Variants in CCDC102A observed in about 807,000 individuals in gnomAD.
CCDC102A encodes the protein coiled-coil domain containing 102A.
Under a neutral mutation model 55.5 loss-of-function variants are expected in CCDC102A, and 40 were observed. The observed-to-expected ratio is 0.72, with a 90% CI of 0.56 to 0.94. The LOEUF (loss-of-function observed/expected upper bound fraction) is 0.94. Among genes scored for constraint, CCDC102A ranks in the 40% least tolerant of loss-of-function variants. The pLI is 0.00. For synonymous variants in CCDC102A, 323 were observed against 339.0 expected (o/e 0.95, Z 0.52); for missense variants, 779 against 768.6 (o/e 1.01, Z -0.16).
At position 57,528,680 on chromosome 16, in the gene CCDC102A, G is replaced by T; in HGVS notation, c.498C>A (p.Val166=). ...CGGGGCCGTCGCGCGTCTGGTCGGC[G>T]ACCCCCCGGGCGCCCCTCAGCCGCG... The part of the protein sequence containing the change: ...ELARLRGARG[V]ADQTRDGPEP... Residue 166 remains valine (V), a synonymous_variant, in exon 2 of 9, where the codon GTC becomes GTA. Transcript: ENST00000258214. 1 of 1,128,736 alleles carries T rather than the reference G, an allele frequency of 8.9e-7. No individual in the cohort carries two copies. Among genetic ancestry groups the T allele is most frequent in the Non-Finnish European group, 1.1e-6 (1 of 918,340 alleles). The allele number at this position is 1,128,736 out of a possible 1,614,324, so 69.9% of individuals were successfully genotyped here.
Position 57,512,533 on chromosome 16 carries a change from T to C in CCDC102A, c.*208A>G, listed in dbSNP as rs912512076. The C allele has an allele frequency of 1.5e-5, 8 of 523,632 alleles. No individual in the cohort carries two copies. Among genetic ancestry groups the C allele is most frequent in the Non-Finnish European group, 2.3e-5 (7 of 306,930 alleles). 32.4% of individuals were successfully genotyped at this position (523,632 alleles called of 1,614,324 possible). A position where few individuals can be genotyped will look rare whatever the true frequency, so the allele number is the denominator to read the frequency against. On this transcript the variant is annotated 3_prime_UTR_variant, in exon 9 of 9. Transcript: ENST00000258214. Reference sequence around the variant, plus strand: ...GGGTGTGCGCGCGCGCGCGCGCGTGTGTGTATATATATATATAAAACATAG... The same window carrying C: ...GGGTGTGCGCGCGCGCGCGCGCGTGCGTGTATATATATATATAAAACATAG...
intron 3 of CCDC102A, among the ~76,000 whole-genome samples, chr16:57,523,843 C>T (rs1242200262): frequency 6.6e-6 from 1 of 152,124 alleles, no homozygotes; most frequent in African/African-American, 2.4e-5. Context: ...CTGGGTTGTC[C>T]CCTCTGGGAA....
intron 8 of CCDC102A, among the ~76,000 whole-genome samples, chr16:57,513,577 G>A (rs1228726664): frequency 3.9e-5 from 6 of 152,258 alleles, no homozygotes; most frequent in Non-Finnish European, 8.8e-5. Context: ...GGTCCTGGGT[G>A]GCCCCACCCT....
intron 1 of CCDC102A, among the ~76,000 whole-genome samples, chr16:57,533,985 G>A (rs930600329): frequency 9.2e-5 from 14 of 152,220 alleles, no homozygotes; most frequent in Non-Finnish European, 7.3e-5. Context: ...AGGCCCCGGG[G>A]AGCCTTTCCT....
chr16:57,536,208 C>T (rs1386620473), intron 1 of CCDC102A, among the ~76,000 whole-genome samples: 1 of 152,200 alleles, frequency 6.6e-6, no homozygotes, highest in Non-Finnish European at 1.5e-5. Flanking sequence ...CCCCGCCCGC[C>T]GCCCCCTCCC....
intron 1 of CCDC102A, among the ~76,000 whole-genome samples, chr16:57,531,263 C>T (rs2032255604): frequency 6.6e-6 from 1 of 150,762 alleles, no homozygotes; most frequent in South Asian, 2.2e-4. Flanking sequence ...GGTGCTCCTC[C>T]GAGAGAAGGC....
At chr16:57,533,232 C>T (rs1171291076) in intron 1 of CCDC102A, among the ~76,000 whole-genome samples, 10 of 152,112 alleles carry the variant, frequency 6.6e-5, no homozygotes, top group Admixed American at 4.6e-4. Context: ...TGGAACAGCA[C>T]TCCCACCTTT....
Position 57,516,400 on chromosome 16 carries a change from C to G in CCDC102A, c.1312G>C (p.Glu438Gln). ...LKKQFQEKVA[E>Q]LAHANRRVEQ... ...ACCCGCCGGTTGGCATGTGCCAGCT[C>G]TGCCACCTTCTCCTGGAACTGCTTC... The change falls in exon 7 of 9, where the codon GAG (glutamate) becomes CAG (glutamine). Residue 438 changes from glutamate to glutamine, a missense_variant. Glu to Gln is a conservative substitution (Grantham distance 29). Transcript: ENST00000258214. This position sits in a 1 kb window ranked among gnomAD's most constrained non-coding sequence, Gnocchi z 4.4. The G allele has an allele frequency of 6.2e-7, 1 of 1,609,952 alleles. No homozygotes were observed. Among genetic ancestry groups the G allele is most frequent in the Non-Finnish European group, 8.5e-7 (1 of 1,180,014 alleles).
intron 3 of CCDC102A, among the ~76,000 whole-genome samples, chr16:57,522,210 G>A (rs1404641589): frequency 6.6e-6 from 1 of 152,208 alleles, no homozygotes; most frequent in Non-Finnish European, 1.5e-5. Flanking sequence ...TGGAATCACT[G>A]TATAAACTGA....
intron 4 of CCDC102A, among the ~76,000 whole-genome samples, chr16:57,520,538 T>TAACATAA (rs1206599760): frequency 1.8e-5 from 1 of 55,614 alleles, no homozygotes; most frequent in Non-Finnish European, 3.9e-5. Flanking sequence ...TCAGAAAAAA[T>TAACATAA]AACATAACAT....
At chr16:57,514,695 A>G (rs1010003054) in intron 8 of CCDC102A, among the ~76,000 whole-genome samples, 2 of 152,192 alleles carry the variant, frequency 1.3e-5, no homozygotes, top group Non-Finnish European at 2.9e-5. Flanking sequence ...GGCACCCTCT[A>G]TTCCACGAAA....
In CCDC102A at chr16:57,529,314, C is replaced by A; in HGVS notation, c.-137G>T. 9.1e-7 allele frequency: 1 copy of A among 1,099,492 alleles called. No individual in the cohort carries two copies. The highest frequency in any genetic ancestry group is 1.1e-6 in the Non-Finnish European group (1 of 897,352). 68.1% of individuals were successfully genotyped at this position (1,099,492 alleles called of 1,614,324 possible). A position where few individuals can be genotyped will look rare whatever the true frequency, so the allele number is the denominator to read the frequency against. On this transcript the variant is annotated 5_prime_UTR_variant, in exon 2 of 9. Coordinates refer to ENST00000258214, the MANE Select transcript of CCDC102A (RefSeq NM_033212.4). The surrounding 1 kb of genome is among the most constrained non-coding windows in gnomAD (Gnocchi z 4.1). Reference sequence around the variant, plus strand: ...CCTCTGGGCCACCGGGCGGAGGACGCCTCCTCGGACCTACGGGAGAACACA... The same window carrying A: ...CCTCTGGGCCACCGGGCGGAGGACGACTCCTCGGACCTACGGGAGAACACA...
In CCDC102A at chr16:57,525,997, C is replaced by T; in HGVS notation, c.716G>A (p.Trp239Ter). The T allele has an allele frequency of 6.2e-7, 1 of 1,609,926 alleles. No homozygotes were observed. The highest frequency in any genetic ancestry group is 8.5e-7 in the Non-Finnish European group (1 of 1,178,486). The change falls in exon 3 of 9, where the codon TGG becomes TAG. Residue 239 changes from tryptophan (W) to a stop codon, truncating the protein, a stop_gained. Transcript: ENST00000258214. LOFTEE classifies it high-confidence loss of function. The stretch of plus-strand genomic sequence containing the variant: ...CTCCTCCGTGGCAGCTGTGTCCTCC[C>T]AGGGTAGCCGGCTGCGCTCCTGGCG... ...SGRQERSRLP[W>*]EDTAATEEEA...
intron 1 of CCDC102A, among the ~76,000 whole-genome samples, chr16:57,532,698 GACAC>G (rs10535195): frequency 0.67 from 98,677 of 148,044 alleles, 33,515 homozygotes; most frequent in Non-Finnish European, 0.75. Flanking sequence ...AAGTGAAGCA[GACAC>G]ACACACACAC....
chr16:57,516,745 T>C lies in CCDC102A; in HGVS notation c.1249-282A>G, dbSNP rs138246156. ...TGCTACTGGATCTACCCTGGAGCTG[T>C]TGGAGCAGGGTCGGGGTTTCCGGGG... On this transcript the variant is annotated intron_variant, in intron 6 of 8. Coordinates refer to ENST00000258214, the MANE Select transcript of CCDC102A (RefSeq NM_033212.4). The surrounding 1 kb of genome is among the most constrained non-coding windows in gnomAD (Gnocchi z 4.4). Among the ~76,000 whole-genome samples, 946 of 152,182 alleles carry C rather than the reference T, an allele frequency of 6.2e-3. 10 individuals are homozygous for C. The highest frequency in any genetic ancestry group is 0.022 in the African/African-American group (911 of 41,504).
Position 57,521,050 on chromosome 16 carries a change from C to A in CCDC102A, c.921+18G>T. 2 of 1,558,760 alleles carry A rather than the reference C, an allele frequency of 1.3e-6. No individual in the cohort carries two copies. The highest frequency in any genetic ancestry group is 1.8e-6 in the Non-Finnish European group (2 of 1,130,112). ...ATCCTGCCGCCTCCAGGAAGACCCTCTGGTCTCCAAGACTCACCTGCTTGA... is the reference window on the plus strand; with the variant it reads ...ATCCTGCCGCCTCCAGGAAGACCCTATGGTCTCCAAGACTCACCTGCTTGA... On this transcript the variant is annotated intron_variant, in intron 4 of 8. Coordinates refer to ENST00000258214, the MANE Select transcript of CCDC102A (RefSeq NM_033212.4).
upstream of CCDC102A, among the ~76,000 whole-genome samples, chr16:57,536,794 C>T (rs1598085304): frequency 1.3e-5 from 2 of 152,256 alleles, no homozygotes; most frequent in East Asian, 1.9e-4. Flanking sequence ...CGTACCCCAA[C>T]GGAGGCCCCA....
intron 8 of CCDC102A, 139 bp downstream of exon 8, chr16:57,515,202 G>C (rs913187814): frequency 4.5e-6 from 3 of 659,938 alleles, no homozygotes; most frequent in Non-Finnish European, 8.2e-6. Context: ...CCTGCCCGGA[G>C]GGGACAGGAT....
At chr16:57,518,584 C>T (rs776579230) in intron 5 of CCDC102A, 41 bp downstream of exon 5, 1 of 1,506,578 alleles carries the variant, frequency 6.6e-7, no homozygotes, top group South Asian at 1.1e-5. Flanking sequence ...GCCCCAGGAC[C>T]CCTAAACCCA....
Sources: allele counts gnomAD v4.1 joint callset (sites outside exome capture counted in the v4.1 genomes callset), GRCh38; gene constraint gnomAD v4.1.1; non-coding constraint Gnocchi (gnomAD v3.1); transcripts MANE v1.5; gene names NCBI Gene and HGNC (gene_info 2026-07-23, HGNC 2026-07-21).